TMEM131: variants seen among roughly 807,000 people sequenced by gnomAD.
TMEM131 encodes transmembrane protein 131.
TMEM131 carries 66 observed loss-of-function variants against 211.6 expected under a neutral mutation model. The observed-to-expected ratio is 0.31, with a 90% CI of 0.26 to 0.38. TMEM131 has a LOEUF of 0.38. TMEM131 is among the 10% of genes least tolerant of loss of function. TMEM131 has a pLI of 1.00. For missense variants in TMEM131, 2,036 were observed against 2,299.3 expected (o/e 0.89, Z 2.34); for synonymous variants, 844 against 841.3 (o/e 1.00, Z -0.06).
chr2:97,768,111 A>C (rs576895524), intron 33 of TMEM131, among the ~76,000 whole-genome samples: 1 of 152,362 alleles, frequency 6.6e-6, no homozygotes, highest in South Asian at 2.1e-4. Context: ...TTATATAATA[A>C]TAAGTAGGTA....
chr2:97,912,634 T>C (rs537763047), intron 2 of TMEM131, among the ~76,000 whole-genome samples: 64 of 152,330 alleles, frequency 4.2e-4, no homozygotes, highest in Non-Finnish European at 6.8e-4. Context: ...GGGTGTTCTT[T>C]CACCTCAGGT....
intron 3 of TMEM131, 137 bp from the exon 4 acceptor site, chr2:97,888,257 G>A (rs1675242010): frequency 1.7e-6 from 1 of 576,182 alleles, no homozygotes; most frequent in Non-Finnish European, 3.0e-6. Context: ...TCAGAAATGT[G>A]CGTCACTTTT....
chr2:97,986,836 A>G (rs1427812773), intron 1 of TMEM131, among the ~76,000 whole-genome samples: 2 of 152,254 alleles, frequency 1.3e-5, no homozygotes, highest in African/African-American at 2.4e-5. Context: ...TTGAAAGCAC[A>G]CTACCCTCTC....
At chr2:97,779,915 A>G (rs1199454640) in intron 31 of TMEM131, among the ~76,000 whole-genome samples, 3 of 152,084 alleles carry the variant, frequency 2.0e-5, no homozygotes, top group Non-Finnish European at 4.4e-5. Context: ...AGCTACTCAG[A>G]AGGCTGAGGC....
intron 7 of TMEM131, among the ~76,000 whole-genome samples, chr2:97,838,691 T>C (rs13034644): frequency 0.75 from 113,884 of 151,862 alleles, 44,362 homozygotes; most frequent in African/African-American, 0.87. Context: ...CATCCACCCA[T>C]CTCGGCCTCC....
rs17022557 is a variant in TMEM131 at position 97,801,769 on chromosome 2, G to C, written c.2718+126C>G. Reference sequence around the variant, plus strand: ...TTGCCTCTGAAATAATTACTGGACTGCTCTGACTTCTTCAGTAACTTACCC... The same window carrying C: ...TTGCCTCTGAAATAATTACTGGACTCCTCTGACTTCTTCAGTAACTTACCC... On this transcript the variant is annotated intron_variant, in intron 25 of 40. Coordinates refer to ENST00000186436, the MANE Select transcript of TMEM131 (RefSeq NM_015348.2). The C allele has an allele frequency of 7.9e-3, 4,849 of 612,422 alleles. 203 individuals are homozygous for C. The African/African-American group carries it at 0.086, about 11-fold the overall frequency. The allele number at this position is 612,422 out of a possible 1,614,324, so 37.9% of individuals were successfully genotyped here.
intron 5 of TMEM131, among the ~76,000 whole-genome samples, chr2:97,857,664 A>C (rs1200328784): frequency 6.6e-6 from 1 of 152,204 alleles, no homozygotes; most frequent in East Asian, 1.9e-4. Flanking sequence ...ACACATAAAT[A>C]CATCTCTCTA....
At chr2:97,879,610 G>C (rs776840505) in intron 4 of TMEM131, among the ~76,000 whole-genome samples, 1 of 152,098 alleles carries the variant, frequency 6.6e-6, no homozygotes, top group South Asian at 2.1e-4. Flanking sequence ...ATTTTCTTCC[G>C]CCTCTGCCAC....
At chr2:97,869,376 A>G (rs543508625) in intron 4 of TMEM131, among the ~76,000 whole-genome samples, 22 of 152,336 alleles carry the variant, frequency 1.4e-4, no homozygotes, top group African/African-American at 4.8e-4. Flanking sequence ...AGTGGATCAG[A>G]ATGCTTGATC....
chr2:97,995,511 GTCA>G lies in TMEM131; in HGVS notation c.149_151del (p.Met50del). The G allele has an allele frequency of 1.4e-6, 2 of 1,411,142 alleles. No homozygotes were observed. Among genetic ancestry groups the G allele is most frequent in the Non-Finnish European group, 1.9e-6 (2 of 1,076,730 alleles). The allele number at this position is 1,411,142 out of a possible 1,614,324, so 87.4% of individuals were successfully genotyped here. ...GGCCCGCGCCGCAGCCACTACGAGG[GTCA>G]TCACCAGGTGCAGCGCGCCTAGGAG... On this transcript the variant is annotated inframe_deletion, in exon 1 of 41. Coordinates refer to ENST00000186436, the MANE Select transcript of TMEM131 (RefSeq NM_015348.2).
chr2:97,918,601 CAACAACAACAAA>C (rs1240190527), intron 2 of TMEM131, among the ~76,000 whole-genome samples: 1 of 152,006 alleles, frequency 6.6e-6, no homozygotes, highest in Non-Finnish European at 1.5e-5. Flanking sequence ...TCATTAACAA[CAACAACAACAAA>C]AACAACAACA....
intron 5 of TMEM131, among the ~76,000 whole-genome samples, chr2:97,857,490 C>T (rs989368481): frequency 6.6e-6 from 1 of 152,144 alleles, no homozygotes; most frequent in Non-Finnish European, 1.5e-5. Flanking sequence ...TCAGAAACAA[C>T]AAAATATTGC....
chr2:97,783,098 A>T (rs1466312054), intron 31 of TMEM131, among the ~76,000 whole-genome samples: 1 of 152,184 alleles, frequency 6.6e-6, no homozygotes, highest in Non-Finnish European at 1.5e-5. Context: ...ATGACACATT[A>T]TCTATAAGGA....
intron 1 of TMEM131, among the ~76,000 whole-genome samples, chr2:97,982,530 A>G (rs1679845633): frequency 6.6e-6 from 1 of 151,844 alleles, no homozygotes; most frequent in East Asian, 1.9e-4. Context: ...TACTTTATCT[A>G]TTTTCTCCCC....
intron 4 of TMEM131, 132 bp from the exon 5 acceptor site, chr2:97,859,559 T>C (rs756405093): frequency 1.0e-4 from 88 of 843,170 alleles, no homozygotes; most frequent in Non-Finnish European, 1.4e-4. Flanking sequence ...TGAATTTATA[T>C]TTAAAATTAC....
In TMEM131 at chr2:97,757,319, C is replaced by T. The variant is rs932078753; in HGVS notation, c.5432G>A (p.Ser1811Asn). 6.2e-7 allele frequency: 1 copy of T among 1,613,798 alleles called. No homozygotes were observed. The highest frequency in any genetic ancestry group is 1.3e-5 in the African/African-American group (1 of 75,006). Reference sequence around the variant, plus strand: ...GAAGGGAAGGGCGCTGCTAAGGTTGCTGGACCAAATGGAGCTGCTGAATGG... The same window carrying T: ...GAAGGGAAGGGCGCTGCTAAGGTTGTTGGACCAAATGGAGCTGCTGAATGG... ...TTPFSSSIWSSNLSSALPFTT... is the reference protein window; with the variant it reads ...TTPFSSSIWSNNLSSALPFTT... Residue 1811 changes from serine to asparagine, a missense_variant, in exon 41 of 41, where the codon AGC becomes AAC. By Grantham distance (46) the Ser-to-Asn change is conservative. Coordinates refer to ENST00000186436, the MANE Select transcript of TMEM131 (RefSeq NM_015348.2).
intron 31 of TMEM131, among the ~76,000 whole-genome samples, chr2:97,777,840 G>GCCAAACCAAA (rs543348200): frequency 6.6e-6 from 1 of 151,928 alleles, no homozygotes; most frequent in Admixed American, 6.6e-5. Flanking sequence ...GCCAAACCAA[G>GCCAAACCAAA]CCAAACCAAA....
At chr2:97,917,439 T>C (rs1004529045) in intron 2 of TMEM131, among the ~76,000 whole-genome samples, 2 of 152,000 alleles carry the variant, frequency 1.3e-5, no homozygotes, top group African/African-American at 2.4e-5. Flanking sequence ...TCAAGAAAAA[T>C]ACAGACAATG....
Position 97,827,293 on chromosome 2 carries a change from G to A in TMEM131, c.1074+6072C>T, listed in dbSNP as rs1200348882. ...CTCCGCTGAAGCCGCTGCCAAGGAA[G>A]AGCCCAAGAGGAGATCGGCGCGGTT... On this transcript the variant is annotated intron_variant, in intron 11 of 40. Coordinates refer to ENST00000186436, the MANE Select transcript of TMEM131 (RefSeq NM_015348.2). The A allele has an allele frequency of 7.6e-6, 6 of 784,574 alleles. No individual in the cohort carries two copies. In the East Asian group the frequency reaches 1.5e-4, roughly 19 times the overall value. 48.6% of individuals were successfully genotyped at this position (784,574 alleles called of 1,614,324 possible). A position where few individuals can be genotyped will look rare whatever the true frequency, so the allele number is the denominator to read the frequency against.
Sources: allele counts gnomAD v4.1 joint callset (sites outside exome capture counted in the v4.1 genomes callset), GRCh38; gene constraint gnomAD v4.1.1; transcripts MANE v1.5; gene names NCBI Gene and HGNC (gene_info 2026-07-23, HGNC 2026-07-21).